The following GPM6B variants were observed in gnomAD, a reference collection of about 807,000 sequenced individuals.
GPM6B encodes the protein neuronal membrane glycoprotein M6-b.
A neutral mutation model predicts 27.2 loss-of-function variants in GPM6B; 4 were observed. That is an observed-to-expected ratio of 0.15 (90% CI 0.07 to 0.34). GPM6B has a LOEUF of 0.34. GPM6B is among the 10% of genes least tolerant of loss of function. The pLI, the probability that GPM6B is intolerant of heterozygous loss-of-function variation, is 1.00. For synonymous variants in GPM6B, 124 were observed against 103.1 expected (o/e 1.20, Z -1.23); for missense variants, 183 against 261.9 (o/e 0.70, Z 2.08).
chrX:13,929,703 C>G (rs1457232362), intron 1 of GPM6B, among the ~76,000 whole-genome samples: 3 of 111,426 alleles, frequency 2.7e-5, no homozygotes, highest in Non-Finnish European at 5.6e-5. Flanking sequence ...AACTAGAGGA[C>G]TGTTACAACA....
At chrX:13,817,126 G>T, upstream of GPM6B, 1 of 959,897 alleles carries the variant, frequency 1.0e-6, no homozygotes, top group Non-Finnish European at 1.3e-6. Flanking sequence ...CTGCCAAGGG[G>T]CAGGCAGCCA....
chrX:13,795,074 A>C (rs950789194), intron 2 of GPM6B, among the ~76,000 whole-genome samples: 7 of 112,590 alleles, frequency 6.2e-5, no homozygotes, highest in Non-Finnish European at 5.6e-5. Flanking sequence ...TGCCATAGTG[A>C]GACTGACAGC....
intron 1 of GPM6B, among the ~76,000 whole-genome samples, chrX:13,887,914 A>G (rs774902653): frequency 9.0e-6 from 1 of 111,644 alleles, no homozygotes; most frequent in Non-Finnish European, 1.9e-5. Flanking sequence ...ACTACTGAGG[A>G]TTTTTTGTTA....
At chrX:13,906,424 G>C (rs1239208365) in intron 1 of GPM6B, among the ~76,000 whole-genome samples, 2 of 112,153 alleles carry the variant, frequency 1.8e-5, no homozygotes, top group East Asian at 5.6e-4. Flanking sequence ...TGGGGGAAGG[G>C]GGTGGGGAGG....
chrX:13,781,007 T>C (rs767745269), intron 4 of GPM6B: 1 of 298,935 alleles, frequency 3.3e-6, no homozygotes, highest in South Asian at 3.0e-5. Flanking sequence ...AGCATTTGCA[T>C]CTCCAAAAAT....
chrX:13,821,004 G>T (rs763344288), upstream of GPM6B, among the ~76,000 whole-genome samples: 6 of 111,433 alleles, frequency 5.4e-5, no homozygotes, highest in Non-Finnish European at 1.1e-4. Flanking sequence ...AGGGAAATAA[G>T]ACCAAAGTGG....
chrX:13,834,646 A>AG (rs2049476667), intron 1 of GPM6B, among the ~76,000 whole-genome samples: 1 of 111,551 alleles, frequency 9.0e-6, no homozygotes, highest in African/African-American at 3.3e-5. Flanking sequence ...TCTGGGATGG[A>AG]GCTTGTCAAC....
In GPM6B at chrX:13,880,675, C is replaced by CAAAAAAAAAAAAAA. The variant is rs57849359; in HGVS notation, c.-198+57638_-198+57651dup. Among the ~76,000 whole-genome samples, 21 of 46,615 alleles carry CAAAAAAAAAAAAAA rather than the reference C, an allele frequency of 4.5e-4. 1 individual carries two copies. The highest frequency in any genetic ancestry group is 2.4e-3 in the African/African-American group (20 of 8,492). The allele number at this position is 46,615 out of a possible 115,157, so 40.5% of individuals were successfully genotyped here. On this transcript the variant is annotated intron_variant, in intron 1 of 6. Coordinates refer to the GPM6B transcript ENST00000398361. The stretch of plus-strand genomic sequence containing the variant: ...TGGGAGACAGAGCAAGGCTCCATCT[C>CAAAAAAAAAAAAAA]AAAAAAAAAAAAAAAAGGCAAATCA...
chrX:13,830,033 T>G (rs1294426741), intron 1 of GPM6B, among the ~76,000 whole-genome samples: 4 of 110,948 alleles, frequency 3.6e-5, no homozygotes, highest in Admixed American at 9.6e-5. Flanking sequence ...CTTAATCATT[T>G]TATCTTCGAA....
intron 1 of GPM6B, among the ~76,000 whole-genome samples, chrX:13,810,470 C>A (rs1232040503): frequency 9.0e-6 from 1 of 111,625 alleles, no homozygotes; most frequent in Non-Finnish European, 1.9e-5. Context: ...AGGAAGGGAG[C>A]ACCCTGGGAC....
chrX:13,877,611 C>T (rs1317776567), intron 1 of GPM6B, among the ~76,000 whole-genome samples: 1 of 108,428 alleles, frequency 9.2e-6, no homozygotes, highest in Non-Finnish European at 1.9e-5. Flanking sequence ...CGCTTGAGCC[C>T]AGGAGTTCAA....
At chrX:13,880,690 A>AAAAAAT (rs1340232108) in intron 1 of GPM6B, among the ~76,000 whole-genome samples, 1 of 106,140 alleles carries the variant, frequency 9.4e-6, no homozygotes, top group Non-Finnish European at 1.9e-5. Context: ...AAAAAAAAAA[A>AAAAAAT]AGGCAAATCA....
intron 1 of GPM6B, among the ~76,000 whole-genome samples, chrX:13,903,497 CA>C (rs1414206671): frequency 8.9e-6 from 1 of 112,090 alleles, no homozygotes; most frequent in Non-Finnish European, 1.9e-5. Flanking sequence ...ACATAGTTAG[CA>C]GAATAAACAC....
At chrX:13,928,663 C>T (rs952078) in intron 1 of GPM6B, among the ~76,000 whole-genome samples, 4,006 of 112,501 alleles carry the variant, frequency 0.036, 190 homozygotes, top group African/African-American at 0.12. Context: ...GAACAGATGC[C>T]TGAATTTAAG....
intron 2 of GPM6B, among the ~76,000 whole-genome samples, chrX:13,804,190 T>A (rs1323267525): frequency 9.0e-6 from 1 of 111,618 alleles, no homozygotes; most frequent in Non-Finnish European, 1.9e-5. Context: ...GAGGTGTTGA[T>A]TCTGCTGGTC....
At chrX:13,892,903 G>A (rs781365704) in intron 1 of GPM6B, among the ~76,000 whole-genome samples, 1 of 111,838 alleles carries the variant, frequency 8.9e-6, no homozygotes, top group South Asian at 3.7e-4. Context: ...ACCTTCACCG[G>A]GTATGGTGGT....
intron 7 of GPM6B, chrX:13,773,237 C>A: frequency 3.5e-6 from 1 of 283,200 alleles, no homozygotes; most frequent in Non-Finnish European, 6.2e-6. Context: ...AGTTAGTATA[C>A]AAACATAGTG....
chrX:13,816,822 C>CTA, intron 1 of GPM6B, 22 bp downstream of exon 1: 1 of 1,209,221 alleles, frequency 8.3e-7, no homozygotes. Flanking sequence ...TTTAAACAGG[C>CTA]TATTGTCAGA....
chrX:13,800,814 G>T (rs1314400609), intron 2 of GPM6B, among the ~76,000 whole-genome samples: 6 of 110,487 alleles, frequency 5.4e-5, no homozygotes, highest in Non-Finnish European at 9.5e-5. Context: ...GGGACCCATC[G>T]CAGAGAGGGT....
Sources: gnomAD v4.1 joint callset for allele counts (sites outside exome capture counted in the v4.1 genomes callset) on GRCh38, gnomAD v4.1.1 for gene constraint, MANE v1.5 for transcripts, NCBI Gene and HGNC (gene_info 2026-07-23, HGNC 2026-07-21) for gene names.